UGDH: variants seen among roughly 807,000 people sequenced by gnomAD.
UGDH encodes the protein UDP-Glc dehydrogenase.
UGDH carries 38 observed loss-of-function variants against 50.6 expected under a neutral mutation model. The observed-to-expected ratio is 0.75, with a 90% CI of 0.58 to 0.98. The LOEUF (loss-of-function observed/expected upper bound fraction) is 0.98. UGDH is among the 50% of genes least tolerant of loss of function. The pLI is 0.00. For missense variants in UGDH, 465 were observed against 606.2 expected, an observed-to-expected ratio of 0.77 and a Z score of 2.45; for synonymous variants, 168 against 199.9, an observed-to-expected ratio of 0.84 and a Z score of 1.35.
chr4:39,504,520 G>A lies in UGDH; in HGVS notation c.1172-12C>T. 2 of 1,609,596 alleles carry A rather than the reference G, an allele frequency of 1.2e-6. No individual in the cohort carries two copies. Among genetic ancestry groups the A allele is most frequent in the Non-Finnish European group, 1.7e-6 (2 of 1,176,782 alleles). ...CACGAGCCGGGACACTGTAACAATA[G>A]CAACAACAAAAAAACAGAAATAAGA... On this transcript the variant is annotated splice_polypyrimidine_tract_variant and intron_variant, in intron 9 of 11. Transcript: ENST00000316423.
At chr4:39,518,608 C>A (rs978468301) in intron 2 of UGDH, among the ~76,000 whole-genome samples, 2 of 144,168 alleles carry the variant, frequency 1.4e-5, no homozygotes, top group Middle Eastern at 3.8e-3. Context: ...TGAGCCACCG[C>A]GGTTGGCCTT....
At chr4:39,508,686 AT>A in intron 6 of UGDH, 26 bp from the exon 7 acceptor site, 1 of 1,573,580 alleles carries the variant, frequency 6.4e-7, no homozygotes. Flanking sequence ...AATGAACAAT[AT>A]TTTCATGTAA....
intron 2 of UGDH, among the ~76,000 whole-genome samples, chr4:39,518,851 T>C (rs1746534587): frequency 6.6e-6 from 1 of 152,220 alleles, no homozygotes; most frequent in Admixed American, 6.5e-5. Flanking sequence ...AAATTCTAAT[T>C]GCTAAACACT....
chr4:39,519,056 A>G (rs1746542522), intron 2 of UGDH, among the ~76,000 whole-genome samples: 1 of 152,064 alleles, frequency 6.6e-6, no homozygotes, highest in South Asian at 2.1e-4. Context: ...AGCTGGGATT[A>G]CAGGCGTGAG....
chr4:39,508,539 G>A, intron 7 of UGDH, 27 bp downstream of exon 7: 1 of 1,602,764 alleles, frequency 6.2e-7, no homozygotes, highest in Non-Finnish European at 8.5e-7. Context: ...TGGCTAAACA[G>A]AAATTATTAC....
Position 39,510,567 on chromosome 4 carries a change from A to G in UGDH, c.466-17T>C. The G allele has an allele frequency of 6.2e-7, 1 of 1,614,104 alleles. No individual in the cohort carries two copies. Among genetic ancestry groups the G allele is most frequent in the Non-Finnish European group, 8.5e-7 (1 of 1,179,980 alleles). On this transcript the variant is annotated splice_polypyrimidine_tract_variant and intron_variant, in intron 4 of 11. Coordinates refer to ENST00000316423, the MANE Select transcript of UGDH (RefSeq NM_003359.4). ...GGACAGCACCTAGAATCCCAATGCAAAGGAAAGTTTTAAGCTAGAATTAAT... is the reference window on the plus strand; with the variant it reads ...GGACAGCACCTAGAATCCCAATGCAGAGGAAAGTTTTAAGCTAGAATTAAT...
At chr4:39,514,293 A>G in intron 2 of UGDH, 109 bp from the exon 3 acceptor site, 1 of 923,432 alleles carries the variant, frequency 1.1e-6, no homozygotes, top group Non-Finnish European at 1.7e-6. Context: ...TTGTAATTTA[A>G]AGGTCTAGGT....
At chr4:39,513,178 G>A (rs1746307832) in intron 3 of UGDH, among the ~76,000 whole-genome samples, 1 of 152,124 alleles carries the variant, frequency 6.6e-6, no homozygotes, top group South Asian at 2.1e-4. Context: ...ATTACATACA[G>A]AATATTTGAG....
intron 1 of UGDH, among the ~76,000 whole-genome samples, chr4:39,524,293 T>C (rs1308368546): frequency 6.6e-6 from 1 of 152,198 alleles, no homozygotes; most frequent in Non-Finnish European, 1.5e-5. Context: ...CATAGTTTAA[T>C]AAGGCACAGC....
At chr4:39,519,149 T>C (rs1350958845) in intron 2 of UGDH, among the ~76,000 whole-genome samples, 3 of 151,868 alleles carry the variant, frequency 2.0e-5, no homozygotes, top group Non-Finnish European at 2.9e-5. Flanking sequence ...ACTCATGACC[T>C]GAAGTGAACT....
intron 7 of UGDH, among the ~76,000 whole-genome samples, chr4:39,507,018 A>C (rs1011578062): frequency 2.0e-5 from 3 of 152,216 alleles, no homozygotes. Context: ...TTAAAAAAAG[A>C]AACGTGCATT....
At chr4:39,512,994 GAC>G (rs1273951198) in intron 3 of UGDH, among the ~76,000 whole-genome samples, 1 of 151,996 alleles carries the variant, frequency 6.6e-6, no homozygotes, top group Admixed American at 6.6e-5. Context: ...GCTAAGTAGA[GAC>G]AGGGTTTCAC....
intron 11 of UGDH, among the ~76,000 whole-genome samples, chr4:39,500,653 CTTTTT>C (rs11284301): frequency 7.4e-6 from 1 of 135,220 alleles, no homozygotes; most frequent in African/African-American, 2.7e-5. Flanking sequence ...GCATAATTCT[CTTTTT>C]TTTTTTTTTT....
chr4:39,512,338 G>C (rs914674828), intron 3 of UGDH, among the ~76,000 whole-genome samples: 3 of 152,178 alleles, frequency 2.0e-5, no homozygotes, highest in African/African-American at 7.2e-5. Context: ...ATCAAAACTT[G>C]AAGATTGAGT....
Position 39,510,560 on chromosome 4 carries a change from C to T in UGDH, c.466-10G>A, listed in dbSNP as rs1746203552. On this transcript the variant is annotated splice_polypyrimidine_tract_variant and intron_variant, in intron 4 of 11. Coordinates refer to ENST00000316423, the MANE Select transcript of UGDH (RefSeq NM_003359.4). ...CAGGGTTGGACAGCACCTAGAATCCCAATGCAAAGGAAAGTTTTAAGCTAG... is the reference window on the plus strand; with the variant it reads ...CAGGGTTGGACAGCACCTAGAATCCTAATGCAAAGGAAAGTTTTAAGCTAG... The T allele has an allele frequency of 6.2e-7, 1 of 1,613,894 alleles. No homozygotes were observed. The highest frequency in any genetic ancestry group is 1.7e-5 in the Admixed American group (1 of 59,984).
intron 2 of UGDH, among the ~76,000 whole-genome samples, chr4:39,515,662 T>A: frequency 6.6e-6 from 1 of 152,142 alleles, no homozygotes; most frequent in Non-Finnish European, 1.5e-5. Context: ...AAAGAATAAG[T>A]TGAAAAACTC....
intron 6 of UGDH, 49 bp from the exon 7 acceptor site, chr4:39,508,709 C>T (rs56242282): frequency 0.13 from 198,423 of 1,509,376 alleles, 14,454 homozygotes; most frequent in East Asian, 0.27. Context: ...AACGAGAAAA[C>T]TCAATCATGT....
chr4:39,518,760 A>G lies in UGDH; in HGVS notation c.162+2591T>C, dbSNP rs571400696. On this transcript the variant is annotated intron_variant, in intron 2 of 11. Coordinates refer to ENST00000316423, the MANE Select transcript of UGDH (RefSeq NM_003359.4). The stretch of plus-strand genomic sequence containing the variant: ...AAGCATGAGCCACTGTGCCTGGCCT[A>G]TATTTTCAGCTTTAGTAGATACTAT... Among the ~76,000 whole-genome samples, 12 of 151,200 alleles carry G rather than the reference A, an allele frequency of 7.9e-5. No individual in the cohort carries two copies. In the South Asian group the frequency reaches 2.5e-3, roughly 32 times the overall value.
rs1454017747 is a variant in UGDH, at chr4:39,514,179, TC to T, written c.167del (p.Gly56AspfsTer2). 6.3e-7 allele frequency: 1 copy of T among 1,576,458 alleles called. No individual in the cohort carries two copies. Among genetic ancestry groups the T allele is most frequent in the Non-Finnish European group, 8.5e-7 (1 of 1,171,946 alleles). On this transcript the variant is annotated frameshift_variant, in exon 3 of 12. Coordinates refer to ENST00000316423, the MANE Select transcript of UGDH (RefSeq NM_003359.4). LOFTEE classifies it high-confidence loss of function. Reference protein sequence around the residue: ...NSPTLPIYEPGLKEVVESCRG... With the variant: ...NSPTLPIYEPXLKEVVESCRG... ...GACAGGATTCTACCACTTCTTTTAG[TC>T]CTGGCTAAAAAGAAAAAAGAAAAGG...
Sources: gnomAD v4.1 joint callset for allele counts (sites outside exome capture counted in the v4.1 genomes callset) on GRCh38, gnomAD v4.1.1 for gene constraint, MANE v1.5 for transcripts, NCBI Gene and HGNC (gene_info 2026-07-23, HGNC 2026-07-21) for gene names.